The following TPRG1 variants were observed in gnomAD, a reference collection of about 807,000 sequenced individuals.
TPRG1 encodes the protein tumor protein p63-regulated gene 1 protein.
Under a neutral mutation model 29.3 loss-of-function variants are expected in TPRG1, and 29 were observed. That is an observed-to-expected ratio of 0.99 (90% confidence interval 0.74 to 1.35). TPRG1 has a LOEUF of 1.35. Among genes scored for constraint, TPRG1 ranks in the 40% most tolerant of loss-of-function variants. The probability of loss-of-function intolerance (pLI) is 0.00; values close to 1 mark genes in which losing one functional copy is unlikely to be tolerated. For missense variants in TPRG1, 327 were observed against 335.0 expected (o/e 0.98, Z 0.19); for synonymous variants, 130 against 116.8 (o/e 1.11, Z -0.73).
At chr3:189,289,199 C>T (rs1718578957) in intron 4 of TPRG1, among the ~76,000 whole-genome samples, 1 of 152,190 alleles carries the variant, frequency 6.6e-6, no homozygotes. Context: ...TCCTTAAAAA[C>T]CTGCTTCTCT....
chr3:189,131,481 T>C (rs1723105246), intron 2 of TPRG1, among the ~76,000 whole-genome samples: 1 of 152,200 alleles, frequency 6.6e-6, no homozygotes, highest in African/African-American at 2.4e-5. Context: ...CAAGACCATG[T>C]AGATAGCAGT....
chr3:189,309,563 C>T (rs957278469), intron 4 of TPRG1, among the ~76,000 whole-genome samples: 1 of 152,182 alleles, frequency 6.6e-6, no homozygotes, highest in Non-Finnish European at 1.5e-5. Context: ...CCTGAAACCA[C>T]AAATCATAAA....
intron 3 of TPRG1, among the ~76,000 whole-genome samples, chr3:189,137,350 T>TGTGTGTGTGTGTGTGTGTG (rs1723891023): frequency 1.5e-5 from 1 of 67,664 alleles, no homozygotes; most frequent in Non-Finnish European, 3.4e-5. Flanking sequence ...GTGTGTGTGT[T>TGTGTGTGTGTGTGTGTGTG]TGGGTGAAGT....
At chr3:189,112,074 T>C (rs1366875538) in intron 1 of TPRG1, among the ~76,000 whole-genome samples, 1 of 152,192 alleles carries the variant, frequency 6.6e-6, no homozygotes, top group East Asian at 1.9e-4. Context: ...TTTTTTCCTT[T>C]GTATTCTGTT....
chr3:189,105,988 C>T (rs1303063062), intron 1 of TPRG1, among the ~76,000 whole-genome samples: 1 of 152,004 alleles, frequency 6.6e-6, no homozygotes, highest in Non-Finnish European at 1.5e-5. Flanking sequence ...AGCAAACCAC[C>T]ATGATACATG....
At position 189,062,049 on chromosome 3, in the gene TPRG1, A is replaced by G. The variant is rs187901632; in HGVS notation, c.-463+38103A>G. ...ATGGAATCAACTTAAATGCCCACCA[A>G]TGACAGATTAGATAAAGAAAATGTG... is the stretch of plus-strand genomic sequence containing the variant. On this transcript the variant is annotated intron_variant, in intron 4 of 10. Transcript: ENST00000433971. 2.3e-3 allele frequency among the ~76,000 whole-genome samples: 357 copies of G among 152,344 alleles called. 2 individuals are homozygous for G. Among genetic ancestry groups the G allele is most frequent in the South Asian group, 9.1e-3 (44 of 4,830 alleles).
intron 3 of TPRG1, among the ~76,000 whole-genome samples, chr3:189,017,309 A>T (rs1168587138): frequency 6.6e-6 from 1 of 151,952 alleles, no homozygotes; most frequent in Non-Finnish European, 1.5e-5. Flanking sequence ...TACATGTGCC[A>T]TGCTGGTGCA....
chr3:189,057,661 C>T (rs769912944), intron 4 of TPRG1, among the ~76,000 whole-genome samples: 12 of 149,998 alleles, frequency 8.0e-5, no homozygotes, highest in Non-Finnish European at 1.3e-4. Flanking sequence ...GAATAAAACA[C>T]CAGAAGTAAA....
At chr3:189,187,659 T>C (rs1441456854) in intron 1 of TPRG1, among the ~76,000 whole-genome samples, 1 of 151,894 alleles carries the variant, frequency 6.6e-6, no homozygotes, top group Non-Finnish European at 1.5e-5. Flanking sequence ...GTGGATCTAC[T>C]TGACATTTGA....
At chr3:189,005,623 T>C (rs1712247209) in intron 3 of TPRG1, among the ~76,000 whole-genome samples, 1 of 152,156 alleles carries the variant, frequency 6.6e-6, no homozygotes, top group Non-Finnish European at 1.5e-5. Flanking sequence ...TATGTTCCTT[T>C]ATTTAAAGAA....
chr3:189,060,082 A>C (rs550140686), intron 4 of TPRG1, among the ~76,000 whole-genome samples: 1 of 152,168 alleles, frequency 6.6e-6, no homozygotes, highest in East Asian at 1.9e-4. Flanking sequence ...AAAATACAAA[A>C]TTAGCCGGGT....
At chr3:189,142,304 G>A (rs1185321804) in intron 3 of TPRG1, among the ~76,000 whole-genome samples, 1 of 152,092 alleles carries the variant, frequency 6.6e-6, no homozygotes, top group Non-Finnish European at 1.5e-5. Flanking sequence ...TACACCAAGG[G>A]ATTGATTATA....
At chr3:189,122,052 A>T (rs1721888131) in intron 1 of TPRG1, among the ~76,000 whole-genome samples, 1 of 152,048 alleles carries the variant, frequency 6.6e-6, no homozygotes, top group South Asian at 2.1e-4. Context: ...TTGTGTATGT[A>T]TGTATGCACA....
intron 2 of TPRG1, among the ~76,000 whole-genome samples, chr3:189,213,718 A>C (rs1459892798): frequency 1.3e-5 from 2 of 152,208 alleles, no homozygotes; most frequent in African/African-American, 4.8e-5. Flanking sequence ...AGGCATATAG[A>C]AGCAAACATA....
chr3:189,204,099 T>G (rs1270949895), intron 1 of TPRG1, among the ~76,000 whole-genome samples: 2 of 151,988 alleles, frequency 1.3e-5, no homozygotes, highest in Non-Finnish European at 2.9e-5. Flanking sequence ...TTTGACCCTT[T>G]GTTTTCCTAT....
intron 3 of TPRG1, among the ~76,000 whole-genome samples, chr3:189,141,317 G>A (rs1466520862): frequency 1.3e-5 from 2 of 152,152 alleles, no homozygotes; most frequent in Non-Finnish European, 2.9e-5. Flanking sequence ...CATTTAAAGG[G>A]CACTTTGGGA....
chr3:189,300,131 C>T (rs1282487826), intron 4 of TPRG1, among the ~76,000 whole-genome samples: 2 of 152,170 alleles, frequency 1.3e-5, no homozygotes, highest in South Asian at 2.1e-4. Flanking sequence ...GGCATAAATG[C>T]TTCTTTTCTT....
intron 4 of TPRG1, among the ~76,000 whole-genome samples, chr3:189,066,936 A>T (rs1050325937): frequency 6.6e-6 from 1 of 152,142 alleles, no homozygotes; most frequent in Non-Finnish European, 1.5e-5. Flanking sequence ...GACTCCACCA[A>T]AAAACTATTA....
At chr3:189,170,205 C>T (rs1233389171), upstream of TPRG1, among the ~76,000 whole-genome samples, 6 of 152,134 alleles carry the variant, frequency 3.9e-5, no homozygotes, top group Admixed American at 2.6e-4. Context: ...TGAGTGGGAA[C>T]GGTATTTGCC....
Sources: gnomAD v4.1 joint callset for allele counts (sites outside exome capture counted in the v4.1 genomes callset) on GRCh38, gnomAD v4.1.1 for gene constraint, MANE v1.5 for transcripts, NCBI Gene and HGNC (gene_info 2026-07-23, HGNC 2026-07-21) for gene names.